Variants in PID1 observed in about 807,000 individuals in gnomAD.
PID1 encodes PTB-containing, cubilin and LRP1-interacting protein.
In PID1, 10 loss-of-function variants were observed where a neutral mutation model predicts 19.1. That is an observed-to-expected ratio of 0.52 (90% CI 0.32 to 0.89). The LOEUF is 0.89. Ranked by LOEUF, PID1 falls within the 40% of genes least tolerant of loss-of-function variation. The pLI, the probability that PID1 is intolerant of heterozygous loss-of-function variation, is 0.03. For synonymous variants in PID1, 130 were observed against 116.0 expected, an observed-to-expected ratio of 1.12 and a Z score of -0.78; for missense variants, 248 against 285.3, an observed-to-expected ratio of 0.87 and a Z score of 0.94.
chr2:229,270,862 G>GCTTA (rs1319243586), intron 1 of PID1, 152 bp downstream of exon 1: 1 of 629,964 alleles, frequency 1.6e-6, no homozygotes, highest in Non-Finnish European at 2.7e-6. Flanking sequence ...GGTTCCTGGC[G>GCTTA]CTGGGTAAAC....
chr2:229,115,170 G>C (rs757179612), intron 2 of PID1, among the ~76,000 whole-genome samples: 1 of 152,062 alleles, frequency 6.6e-6, no homozygotes, highest in Non-Finnish European at 1.5e-5. Flanking sequence ...GTTAAGGTTA[G>C]GTACACTCCT....
intron 1 of PID1, among the ~76,000 whole-genome samples, chr2:229,256,767 ATC>A (rs1182197322): frequency 6.6e-6 from 1 of 152,220 alleles, no homozygotes; most frequent in East Asian, 1.9e-4. Context: ...ATTAGTATTT[ATC>A]TGACTCCCAA....
chr2:229,226,424 T>C (rs1392267128), intron 1 of PID1, among the ~76,000 whole-genome samples: 1 of 152,186 alleles, frequency 6.6e-6, no homozygotes, highest in Non-Finnish European at 1.5e-5. Context: ...AAAATGAACA[T>C]TCTAACTGGA....
intron 2 of PID1, among the ~76,000 whole-genome samples, chr2:229,139,115 G>GAAAGAAAGAGAAAGAAAGAA (rs1210728895): frequency 2.3e-4 from 11 of 48,044 alleles, no homozygotes; most frequent in East Asian, 7.6e-4. Context: ...AAGAAAGAAA[G>GAAAGAAAGAGAAAGAAAGAA]AGAAAGAAAG....
At chr2:229,217,652 C>T (rs1691878046) in intron 1 of PID1, among the ~76,000 whole-genome samples, 2 of 152,050 alleles carry the variant, frequency 1.3e-5, no homozygotes, top group African/African-American at 4.8e-5. Flanking sequence ...AAGAAGGTCT[C>T]CAAAAGCTTC....
intron 2 of PID1, among the ~76,000 whole-genome samples, chr2:229,060,487 A>C (rs967576237): frequency 6.6e-6 from 1 of 152,170 alleles, no homozygotes; most frequent in Admixed American, 6.5e-5. Context: ...TCCATTGTGC[A>C]TATATACCAC....
At chr2:229,096,109 C>A (rs913863278) in intron 2 of PID1, among the ~76,000 whole-genome samples, 1 of 152,138 alleles carries the variant, frequency 6.6e-6, no homozygotes, top group Non-Finnish European at 1.5e-5. Context: ...AAGCAAAATT[C>A]TCTAATTGCC....
At chr2:229,090,131 T>C (rs1021201235) in intron 2 of PID1, among the ~76,000 whole-genome samples, 1 of 152,124 alleles carries the variant, frequency 6.6e-6, no homozygotes, top group Non-Finnish European at 1.5e-5. Flanking sequence ...ATAAAGACAA[T>C]GATCCCAAAC....
At chr2:229,206,079 G>C (rs1691603303) in intron 1 of PID1, among the ~76,000 whole-genome samples, 1 of 151,952 alleles carries the variant, frequency 6.6e-6, no homozygotes, top group Non-Finnish European at 1.5e-5. Context: ...GTGTGCTTTG[G>C]GTGAAATGTA....
intron 2 of PID1, among the ~76,000 whole-genome samples, chr2:229,116,103 T>C (rs961176672): frequency 2.3e-4 from 35 of 152,058 alleles, no homozygotes; most frequent in African/African-American, 8.4e-4. Flanking sequence ...GGTGGGTGCC[T>C]GTAGTCCCAG....
At chr2:229,141,243 C>T (rs1304628047) in intron 2 of PID1, among the ~76,000 whole-genome samples, 2 of 152,048 alleles carry the variant, frequency 1.3e-5, no homozygotes, top group Admixed American at 1.3e-4. Flanking sequence ...ATGATTAATG[C>T]TGAGGATCCT....
intron 1 of PID1, among the ~76,000 whole-genome samples, chr2:229,177,019 A>G (rs2106214853): frequency 6.6e-6 from 1 of 152,360 alleles, no homozygotes; most frequent in East Asian, 1.9e-4. Context: ...CCTCACAATC[A>G]TGGCAGAATG....
At chr2:229,268,324 C>T (rs566676041) in intron 1 of PID1, among the ~76,000 whole-genome samples, 3 of 152,278 alleles carry the variant, frequency 2.0e-5, no homozygotes, top group South Asian at 2.1e-4. Context: ...TCCTGAGCAA[C>T]GGAGCCAGTT....
intron 2 of PID1, among the ~76,000 whole-genome samples, chr2:229,151,816 C>T (rs1368462371): frequency 6.6e-5 from 10 of 152,086 alleles, no homozygotes; most frequent in African/African-American, 1.7e-4. Context: ...GTGATCCGCC[C>T]GCCTCGGCCT....
chr2:229,192,809 TA>T (rs1159674989), intron 1 of PID1, among the ~76,000 whole-genome samples: 10 of 152,142 alleles, frequency 6.6e-5, no homozygotes, highest in African/African-American at 2.2e-4. Flanking sequence ...GGTTTATTCT[TA>T]TTATTATTAC....
chr2:229,031,130 C>T (rs1451906333), intron 2 of PID1, among the ~76,000 whole-genome samples: 3 of 140,684 alleles, frequency 2.1e-5, no homozygotes, highest in African/African-American at 8.2e-5. Context: ...GCAGAAGAAT[C>T]GCTTGAACCT....
intron 1 of PID1, among the ~76,000 whole-genome samples, chr2:229,266,204 T>C (rs772334922): frequency 6.6e-6 from 1 of 152,122 alleles, no homozygotes; most frequent in African/African-American, 2.4e-5. Flanking sequence ...GCCTCTGTAA[T>C]AATAGCTGTT....
chr2:229,195,494 C>T (rs1228239552), intron 1 of PID1, among the ~76,000 whole-genome samples: 2 of 151,746 alleles, frequency 1.3e-5, no homozygotes, highest in African/African-American at 4.8e-5. Flanking sequence ...CATATTGTGT[C>T]ATTTTTTCCT....
Position 229,027,415 on chromosome 2 carries a change from T to C in PID1, c.178-1307A>G, listed in dbSNP as rs1339593337. Among the ~76,000 whole-genome samples the C allele has an allele frequency of 3.9e-5, 6 of 152,290 alleles. 1 individual carries two copies. The Middle Eastern group carries it at 0.017, about 432-fold the overall frequency. On this transcript the variant is annotated intron_variant, in intron 2 of 2. Transcript: ENST00000392055. ...CGGGAAAGAAATAATTGAATACTCA[T>C]TCAGAGCACAGTCTTTGAGGCAGGT...
Sources: allele counts gnomAD v4.1 joint callset (sites outside exome capture counted in the v4.1 genomes callset), GRCh38; gene constraint gnomAD v4.1.1; transcripts MANE v1.5; gene names NCBI Gene and HGNC (gene_info 2026-07-23, HGNC 2026-07-21).